GNG4: variants seen among roughly 807,000 people sequenced by gnomAD.
The protein encoded by GNG4 is guanine nucleotide-binding protein G(I)/G(S)/G(O) subunit gamma-4.
In GNG4, 4 loss-of-function variants were observed where a neutral mutation model predicts 5.8. The observed-to-expected ratio is 0.69, with a 90% CI of 0.34 to 1.57. The LOEUF (loss-of-function observed/expected upper bound fraction) is 1.57. GNG4 is among the 40% of genes most tolerant of loss of function. The pLI, the probability that GNG4 is intolerant of heterozygous loss-of-function variation, is 0.06. For missense variants in GNG4, 96 were observed against 95.1 expected (o/e 1.01, Z -0.04); for synonymous variants, 29 against 32.9 (o/e 0.88, Z 0.41).
At chr1:235,552,321 G>C (rs910897632) in intron 3 of GNG4, 84 bp from the exon 4 acceptor site, 1 of 1,231,784 alleles carries the variant, frequency 8.1e-7, no homozygotes. Context: ...GTACAGAGGG[G>C]ACAAGCCCTA....
chr1:235,568,319 T>C (rs1687251521), intron 3 of GNG4, among the ~76,000 whole-genome samples: 1 of 152,048 alleles, frequency 6.6e-6, no homozygotes, highest in Non-Finnish European at 1.5e-5. Context: ...CTCCTATGAC[T>C]CAGATTGTGT....
chr1:235,587,804 G>A (rs67518133), intron 2 of GNG4, among the ~76,000 whole-genome samples: 56,954 of 142,126 alleles, frequency 0.4, 12,524 homozygotes, highest in East Asian at 0.79. Flanking sequence ...GAAGGTGAGA[G>A]TGTGAATACA....
intron 3 of GNG4, among the ~76,000 whole-genome samples, chr1:235,556,925 C>A (rs10925995): frequency 0.17 from 26,366 of 151,800 alleles, 3,575 homozygotes; most frequent in East Asian, 0.69. Context: ...AGATCCCTCA[C>A]ACGCGCAGTT....
At chr1:235,641,451 G>A (rs931032905) in intron 1 of GNG4, among the ~76,000 whole-genome samples, 1 of 152,200 alleles carries the variant, frequency 6.6e-6, no homozygotes, top group African/African-American at 2.4e-5. Context: ...AGCACTTTGG[G>A]AGGCCGAGGC....
At chr1:235,583,649 G>A (rs1349130659) in intron 3 of GNG4, 91 bp downstream of exon 3, 6 of 780,370 alleles carry the variant, frequency 7.7e-6, no homozygotes, top group Admixed American at 2.0e-5. Flanking sequence ...GCTGGGTGAC[G>A]TGTTAACTCT....
At chr1:235,570,524 G>A (rs1449318622) in intron 3 of GNG4, among the ~76,000 whole-genome samples, 1 of 150,660 alleles carries the variant, frequency 6.6e-6, no homozygotes, top group African/African-American at 2.4e-5. Flanking sequence ...AGCCTCCCGA[G>A]TAGCTGGGAT....
At chr1:235,571,855 TG>T (rs1687351726) in intron 3 of GNG4, among the ~76,000 whole-genome samples, 2 of 152,186 alleles carry the variant, frequency 1.3e-5, no homozygotes, top group South Asian at 4.1e-4. Context: ...TTAATTATTT[TG>T]AGACAGGGTC....
At chr1:235,614,558 T>C (rs574685041) in intron 1 of GNG4, 1 of 152,322 alleles carries the variant, frequency 6.6e-6, no homozygotes, top group Non-Finnish European at 1.5e-5. Context: ...TTCAGGCAGA[T>C]GGGTGCCTGT....
At position 235,649,010 on chromosome 1, in the gene GNG4, G is replaced by A. The variant is rs1244610280; in HGVS notation, c.-123+652C>T. On this transcript the variant is annotated intron_variant, in intron 1 of 3. Coordinates refer to ENST00000391854, the MANE Select transcript of GNG4 (RefSeq NM_001098722.2). This position sits in a 1 kb window ranked among gnomAD's most constrained non-coding sequence, Gnocchi z 5.7. ...TTTCCAAGGCAATTTAAAAAATCAA[G>A]CCAAACAAAGCTCCCCGGTTGCTGC... Among the ~76,000 whole-genome samples, 1 of 152,148 alleles carries A rather than the reference G, an allele frequency of 6.6e-6. No individual in the cohort carries two copies. Among genetic ancestry groups the A allele is most frequent in the Non-Finnish European group, 1.5e-5 (1 of 68,026 alleles).
At chr1:235,599,470 A>C (rs1369368958) in intron 1 of GNG4, among the ~76,000 whole-genome samples, 2 of 151,784 alleles carry the variant, frequency 1.3e-5, no homozygotes, top group African/African-American at 2.4e-5. Context: ...GCGCGAGCCA[A>C]CACGCCTGGC....
chr1:235,648,025 T>C lies in GNG4; in HGVS notation c.-123+1637A>G, dbSNP rs1238516097. ...CTGTAAAGTGAATCTAGGAAAAGCT[T>C]TTTTTTTTTCTGGTTTCTCCACCAT... On this transcript the variant is annotated intron_variant, in intron 1 of 3. Transcript: ENST00000391854. This position sits in a 1 kb window ranked among gnomAD's most constrained non-coding sequence, Gnocchi z 5.0. Among the ~76,000 whole-genome samples the C allele has an allele frequency of 6.6e-6, 1 of 150,664 alleles. No individual in the cohort carries two copies. The highest frequency in any genetic ancestry group is 1.5e-5 in the Non-Finnish European group (1 of 67,480).
At chr1:235,568,570 T>C (rs952395393) in intron 3 of GNG4, among the ~76,000 whole-genome samples, 4 of 152,226 alleles carry the variant, frequency 2.6e-5, no homozygotes, top group Non-Finnish European at 5.9e-5. Context: ...AATATATCTA[T>C]GTTGCCATGG....
At chr1:235,611,313 G>T (rs1688471553) in intron 1 of GNG4, among the ~76,000 whole-genome samples, 1 of 151,968 alleles carries the variant, frequency 6.6e-6, no homozygotes. Context: ...GACTACAGGT[G>T]TGTGCCACCA....
At chr1:235,558,495 C>G (rs1472764166) in intron 3 of GNG4, among the ~76,000 whole-genome samples, 6 of 152,186 alleles carry the variant, frequency 3.9e-5, no homozygotes, top group Non-Finnish European at 8.8e-5. Context: ...GGCGTCCCAA[C>G]AAATAGCTCA....
chr1:235,593,121 G>C (rs935314639), intron 2 of GNG4, among the ~76,000 whole-genome samples: 2 of 152,076 alleles, frequency 1.3e-5, no homozygotes, highest in Admixed American at 1.3e-4. Flanking sequence ...GCTAATTTTT[G>C]TATTTTTAGT....
intron 2 of GNG4, among the ~76,000 whole-genome samples, chr1:235,593,619 G>A (rs1342364577): frequency 1.3e-5 from 2 of 152,210 alleles, no homozygotes; most frequent in Non-Finnish European, 2.9e-5. Flanking sequence ...AAGGCGGCGT[G>A]TCCGGAGTTT....
intron 1 of GNG4, among the ~76,000 whole-genome samples, chr1:235,621,324 C>T (rs1207576718): frequency 3.2e-4 from 43 of 132,440 alleles, no homozygotes; most frequent in African/African-American, 1.2e-3. Flanking sequence ...CAGAGTCTTG[C>T]TCTGTCACCC....
At chr1:235,575,718 GT>G (rs1261648300) in intron 3 of GNG4, among the ~76,000 whole-genome samples, 2 of 152,210 alleles carry the variant, frequency 1.3e-5, no homozygotes, top group African/African-American at 4.8e-5. Context: ...TTGCTCAAGG[GT>G]GTCTGTCCAC....
chr1:235,631,937 A>G (rs1431648004), intron 1 of GNG4, among the ~76,000 whole-genome samples: 2 of 152,172 alleles, frequency 1.3e-5, no homozygotes, highest in African/African-American at 2.4e-5. Context: ...TAGCAAGAAT[A>G]CTTCCTTCTG....
Sources: allele counts gnomAD v4.1 joint callset (sites outside exome capture counted in the v4.1 genomes callset), GRCh38; gene constraint gnomAD v4.1.1; non-coding constraint Gnocchi (gnomAD v3.1); transcripts MANE v1.5; gene names NCBI Gene and HGNC (gene_info 2026-07-23, HGNC 2026-07-21).